The following GLIS1 variants were observed in gnomAD, a reference collection of about 807,000 sequenced individuals.
The protein encoded by GLIS1 is GLIS family zinc finger 1.
GLIS1 carries 24 observed loss-of-function variants against 63.8 expected under a neutral mutation model. The observed-to-expected ratio is 0.38, with a 90% CI of 0.27 to 0.53. The LOEUF is 0.53. GLIS1 is among the 20% of genes least tolerant of loss of function. The probability of loss-of-function intolerance (pLI) is 0.85; values close to 1 mark genes in which losing one functional copy is unlikely to be tolerated. For synonymous variants in GLIS1, 450 were observed against 482.5 expected, an observed-to-expected ratio of 0.93 and a Z score of 0.88; for missense variants, 1,036 against 1,074.1, an observed-to-expected ratio of 0.96 and a Z score of 0.50.
At chr1:53,534,336 G>A (rs1644561544) in intron 4 of GLIS1, among the ~76,000 whole-genome samples, 1 of 152,046 alleles carries the variant, frequency 6.6e-6, no homozygotes, top group East Asian at 1.9e-4. Context: ...CTGCACCACA[G>A]GGAGTGCCAC....
rs951442232 is a variant in GLIS1, at chr1:53,639,319, T to A, written c.260-39041A>T. Among the ~76,000 whole-genome samples the A allele has an allele frequency of 3.3e-5, 5 of 152,076 alleles. No individual in the cohort carries two copies. The highest frequency in any genetic ancestry group is 7.4e-5 in the Non-Finnish European group (5 of 68,004). On this transcript the variant is annotated intron_variant, in intron 2 of 10. Transcript: ENST00000628545. The surrounding 1 kb of genome is among the most constrained non-coding windows in gnomAD (Gnocchi z 4.6). ...GTGGGCTCCACCAGTCCCACCCTCG[T>A]TCGGAGGTGTCCCCTCCCTGCAGGC...
At chr1:53,634,810 C>A (rs1016505276) in intron 2 of GLIS1, among the ~76,000 whole-genome samples, 4 of 152,110 alleles carry the variant, frequency 2.6e-5, no homozygotes, top group African/African-American at 9.7e-5. Flanking sequence ...CCACCTTGAC[C>A]CAGGGGTATG....
intron 4 of GLIS1, among the ~76,000 whole-genome samples, chr1:53,530,159 C>A (rs764367293): frequency 2.6e-5 from 4 of 152,206 alleles, no homozygotes; most frequent in Non-Finnish European, 4.4e-5. Flanking sequence ...AAAATAGCAC[C>A]CTGACTTAGA....
chr1:53,608,401 T>G (rs370208837), intron 2 of GLIS1, among the ~76,000 whole-genome samples: 5 of 152,336 alleles, frequency 3.3e-5, no homozygotes, highest in South Asian at 4.1e-4. Flanking sequence ...CATATGAATT[T>G]GAGAGGGGGA....
chr1:53,623,995 A>G (rs992601114), intron 2 of GLIS1, among the ~76,000 whole-genome samples: 3 of 152,254 alleles, frequency 2.0e-5, no homozygotes, highest in Non-Finnish European at 2.9e-5. Context: ...ATTTAATGCC[A>G]TCTCAACCAA....
chr1:53,622,932 T>C (rs1645561350), intron 2 of GLIS1, among the ~76,000 whole-genome samples: 1 of 152,222 alleles, frequency 6.6e-6, no homozygotes, highest in South Asian at 2.1e-4. Flanking sequence ...CCATTTTCTG[T>C]TTTACCAATT....
rs193229516 is a variant in GLIS1 at position 53,569,716 on chromosome 1, G to A, written c.1320+24392C>T. ...ATATCAAAAGAATCTACACAAAAAT[G>A]AATAGAAATAATAAGAGAATTTGGC... On this transcript the variant is annotated intron_variant, in intron 4 of 10. Transcript: ENST00000628545. Among the ~76,000 whole-genome samples the A allele has an allele frequency of 5.0e-3, 758 of 151,966 alleles. 3 individuals carry two copies. The highest frequency in any genetic ancestry group is 9.0e-3 in the Non-Finnish European group (611 of 67,932).
chr1:53,596,392 G>C (rs2100538404), intron 3 of GLIS1, among the ~76,000 whole-genome samples: 1 of 152,262 alleles, frequency 6.6e-6, no homozygotes, highest in East Asian at 1.9e-4. Flanking sequence ...CCCCCTGGCT[G>C]GCTAGGCAGA....
intron 2 of GLIS1, among the ~76,000 whole-genome samples, chr1:53,667,269 T>C (rs1646103347): frequency 6.6e-6 from 1 of 152,202 alleles, no homozygotes; most frequent in Admixed American, 6.5e-5. Flanking sequence ...AAGCTCTCCT[T>C]CTCTCAATAT....
At chr1:53,547,320 C>G (rs527806084) in intron 4 of GLIS1, among the ~76,000 whole-genome samples, 35 of 152,316 alleles carry the variant, frequency 2.3e-4, no homozygotes, top group Admixed American at 1.3e-3. Context: ...TCCTTGGCCT[C>G]GGGGCTGTCT....
rs182504898 is a variant in GLIS1, at chr1:53,569,282, A to C, written c.1320+24826T>G. On this transcript the variant is annotated intron_variant, in intron 4 of 10. Coordinates refer to ENST00000628545, the MANE Select transcript of GLIS1 (RefSeq NM_001367484.1). ...ATGTACAATACCAAGAATGAACCTT[A>C]ATGTAAACTATGGACTTTGGGTGAT... 2.6e-4 allele frequency among the ~76,000 whole-genome samples: 40 copies of C among 152,282 alleles called. No homozygotes were observed. The East Asian group carries it at 6.8e-3, about 26-fold the overall frequency.
intron 2 of GLIS1, among the ~76,000 whole-genome samples, chr1:53,614,292 T>G (rs1320511771): frequency 6.6e-6 from 1 of 151,914 alleles, no homozygotes; most frequent in Admixed American, 6.6e-5. Flanking sequence ...AGTTAGAAAG[T>G]AAAGAGAGAC....
intron 2 of GLIS1, among the ~76,000 whole-genome samples, chr1:53,653,666 G>A (rs931094636): frequency 2.6e-5 from 4 of 152,072 alleles, no homozygotes; most frequent in South Asian, 2.1e-4. Context: ...TTCTTCCTGC[G>A]GCACAGGTGT....
chr1:53,683,664 G>T (rs779049510), intron 2 of GLIS1, among the ~76,000 whole-genome samples: 3 of 152,090 alleles, frequency 2.0e-5, no homozygotes, highest in African/African-American at 4.8e-5. Flanking sequence ...GACCTGGCAC[G>T]GGCAGGCATG....
At chr1:53,705,317 C>T (rs1020510562) in intron 2 of GLIS1, among the ~76,000 whole-genome samples, 2 of 152,220 alleles carry the variant, frequency 1.3e-5, no homozygotes, top group African/African-American at 2.4e-5. Flanking sequence ...CCAAAGGCAG[C>T]GTCCCCATCC....
chr1:53,671,402 G>T (rs577363108), intron 2 of GLIS1, among the ~76,000 whole-genome samples: 1 of 152,144 alleles, frequency 6.6e-6, no homozygotes, highest in Admixed American at 6.5e-5. Flanking sequence ...CACCAGGCTC[G>T]GCTCCTGGCA....
chr1:53,699,629 C>T (rs185254694), intron 2 of GLIS1, among the ~76,000 whole-genome samples: 3 of 152,306 alleles, frequency 2.0e-5, no homozygotes, highest in East Asian at 1.9e-4. Context: ...ATTAGGGATA[C>T]TCAACCTGTA....
At chr1:53,658,448 C>G (rs78430141) in intron 2 of GLIS1, among the ~76,000 whole-genome samples, 2 of 152,168 alleles carry the variant, frequency 1.3e-5, no homozygotes, top group East Asian at 1.9e-4. Flanking sequence ...CAGTGCAGAT[C>G]CTGGCCCTAA....
chr1:53,602,023 C>A (rs1319639664), intron 2 of GLIS1, among the ~76,000 whole-genome samples: 1 of 152,142 alleles, frequency 6.6e-6, no homozygotes, highest in African/African-American at 2.4e-5. Flanking sequence ...ACGTTCCCAG[C>A]CACACGCGAG....
Sources: allele counts gnomAD v4.1 joint callset (sites outside exome capture counted in the v4.1 genomes callset), GRCh38; gene constraint gnomAD v4.1.1; non-coding constraint Gnocchi (gnomAD v3.1); transcripts MANE v1.5; gene names NCBI Gene and HGNC (gene_info 2026-07-23, HGNC 2026-07-21).